SUMF1: variants seen among roughly 807,000 people sequenced by gnomAD.
SUMF1 encodes formylglycine-generating enzyme.
SUMF1 carries 48 observed loss-of-function variants against 47.6 expected under a neutral mutation model. That is an observed-to-expected ratio of 1.01 (90% CI 0.80 to 1.28). The LOEUF (loss-of-function observed/expected upper bound fraction) is 1.28, where lower values mean the gene tolerates loss of function less well. Ranked by LOEUF, SUMF1 falls within the 50% of genes most tolerant of loss-of-function variation. SUMF1 has a pLI of 0.00. For missense variants in SUMF1, 571 were observed against 485.4 expected, an observed-to-expected ratio of 1.18 and a Z score of -1.66; for synonymous variants, 230 against 192.1, an observed-to-expected ratio of 1.20 and a Z score of -1.63.
chr3:4,139,142 C>T (rs141543592), intron 8 of SUMF1, among the ~76,000 whole-genome samples: 4 of 152,196 alleles, frequency 2.6e-5, no homozygotes, highest in African/African-American at 7.2e-5. Flanking sequence ...ATAGTCATTA[C>T]ATTGCAAATA....
At chr3:4,173,811 T>C (rs917999702) in intron 8 of SUMF1, among the ~76,000 whole-genome samples, 1 of 151,888 alleles carries the variant, frequency 6.6e-6, no homozygotes, top group Non-Finnish European at 1.5e-5. Flanking sequence ...TCCCCACTCA[T>C]AAGTGGGAGT....
intron 7 of SUMF1, among the ~76,000 whole-genome samples, chr3:4,383,090 A>G (rs1269074636): frequency 6.6e-6 from 1 of 150,862 alleles, no homozygotes; most frequent in Non-Finnish European, 1.5e-5. Flanking sequence ...AAAAAAAAAG[A>G]GATCAGGGCC....
At chr3:4,363,329 G>T (rs936495831) in intron 8 of SUMF1, among the ~76,000 whole-genome samples, 1 of 152,124 alleles carries the variant, frequency 6.6e-6, no homozygotes, top group African/African-American at 2.4e-5. Flanking sequence ...ACATAGGAAA[G>T]GCTGTGGGAC....
At chr3:4,141,135 C>A (rs1455868920) in intron 8 of SUMF1, among the ~76,000 whole-genome samples, 1 of 152,072 alleles carries the variant, frequency 6.6e-6, no homozygotes, top group Non-Finnish European at 1.5e-5. Context: ...AGCATATTTT[C>A]ATTTTGGTTC....
At chr3:4,175,140 G>A (rs1694929686) in intron 8 of SUMF1, among the ~76,000 whole-genome samples, 1 of 152,228 alleles carries the variant, frequency 6.6e-6, no homozygotes, top group Non-Finnish European at 1.5e-5. Flanking sequence ...AACTTCTGCA[G>A]ATTTAAACGT....
rs553852559 is a variant in SUMF1, at chr3:4,254,183, G to A, written c.1014+122147C>T. 9.2e-4 allele frequency among the ~76,000 whole-genome samples: 140 copies of A among 152,022 alleles called. 1 individual carries two copies. The highest frequency in any genetic ancestry group is 3.1e-3 in the African/African-American group (130 of 41,486). ...GGGGAAAAAACAGAACAGAAAAACT[G>A]GAAACTCTAAAAAGCAGAGCGCCTC... On this transcript the variant is annotated intron_variant and NMD_transcript_variant, in intron 8 of 12. Transcript: ENST00000448413.
At chr3:4,352,931 G>A (rs954995335) in intron 8 of SUMF1, among the ~76,000 whole-genome samples, 3 of 152,128 alleles carry the variant, frequency 2.0e-5, no homozygotes, top group African/African-American at 7.2e-5. Flanking sequence ...TAGAAGAGAT[G>A]GAGAAAGGCT....
intron 3 of SUMF1, among the ~76,000 whole-genome samples, chr3:4,436,446 C>T (rs1239119132): frequency 2.6e-5 from 4 of 151,520 alleles, no homozygotes; most frequent in Non-Finnish European, 5.9e-5. Flanking sequence ...TAGATATAAA[C>T]AAAAACATTC....
intron 8 of SUMF1, among the ~76,000 whole-genome samples, chr3:4,138,722 C>T (rs949789616): frequency 6.6e-6 from 1 of 152,056 alleles, no homozygotes; most frequent in Non-Finnish European, 1.5e-5. Context: ...CTTTATGCAA[C>T]TTTTCCTTTG....
intron 9 of SUMF1, among the ~76,000 whole-genome samples, chr3:4,043,272 T>C (rs1407111273): frequency 6.6e-6 from 1 of 152,112 alleles, no homozygotes; most frequent in Non-Finnish European, 1.5e-5. Context: ...CACCTCGTCC[T>C]CTCTTCCTAG....
chr3:4,214,499 C>T (rs529970446), intron 8 of SUMF1, among the ~76,000 whole-genome samples: 1 of 151,882 alleles, frequency 6.6e-6, no homozygotes, highest in South Asian at 2.1e-4. Flanking sequence ...GAAAAGAACT[C>T]GAGAAGCAAC....
chr3:4,343,478 G>A (rs913371339), intron 8 of SUMF1, among the ~76,000 whole-genome samples: 3 of 152,190 alleles, frequency 2.0e-5, no homozygotes, highest in Non-Finnish European at 4.4e-5. Flanking sequence ...TGCATCTACA[G>A]TTGGACCAAT....
intron 8 of SUMF1, among the ~76,000 whole-genome samples, chr3:4,226,554 C>T (rs1696180051): frequency 6.6e-6 from 1 of 152,010 alleles, no homozygotes; most frequent in African/African-American, 2.4e-5. Context: ...AAGCATGAGC[C>T]ACTGTGCCTG....
intron 8 of SUMF1, among the ~76,000 whole-genome samples, chr3:4,271,279 A>T (rs1367307758): frequency 6.6e-6 from 1 of 152,124 alleles, no homozygotes; most frequent in Non-Finnish European, 1.5e-5. Context: ...CATTTGACCA[A>T]ATTTCAGACT....
intron 7 of SUMF1, among the ~76,000 whole-genome samples, chr3:4,379,840 C>CAAAAAAAAAAA (rs58264459): frequency 1.3e-5 from 1 of 76,882 alleles, no homozygotes; most frequent in Non-Finnish European, 2.4e-5. Context: ...GCCTCCATCT[C>CAAAAAAAAAAA]AAAAAAAAAA....
chr3:4,390,580 T>G (rs527470488), intron 7 of SUMF1, among the ~76,000 whole-genome samples: 31 of 152,234 alleles, frequency 2.0e-4, no homozygotes, highest in Non-Finnish European at 2.5e-4. Flanking sequence ...CAGGGATATA[T>G]GCAGCAAAAA....
At chr3:4,466,874 A>T (rs376492252) in intron 1 of SUMF1, 102 bp downstream of exon 1, 1 of 1,506,658 alleles carries the variant, frequency 6.6e-7, no homozygotes, top group Non-Finnish European at 9.0e-7. Context: ...GGGTGTGGTT[A>T]TAACCTTTAC....
chr3:4,192,767 G>C (rs1413173226), intron 8 of SUMF1, among the ~76,000 whole-genome samples: 1 of 152,128 alleles, frequency 6.6e-6, no homozygotes, highest in African/African-American at 2.4e-5. Flanking sequence ...GCTGAAGACT[G>C]AGTTCAATCA....
At chr3:4,095,035 T>C (rs142175202) in intron 8 of SUMF1, among the ~76,000 whole-genome samples, 2 of 152,212 alleles carry the variant, frequency 1.3e-5, no homozygotes, top group African/African-American at 4.8e-5. Context: ...TTGAATGAAG[T>C]ATTGATGGCT....
Sources: gnomAD v4.1 joint callset for allele counts (sites outside exome capture counted in the v4.1 genomes callset) on GRCh38, gnomAD v4.1.1 for gene constraint, MANE v1.5 for transcripts, NCBI Gene and HGNC (gene_info 2026-07-23, HGNC 2026-07-21) for gene names.